The following ARHGAP15 variants were observed in gnomAD, a reference collection of about 807,000 sequenced individuals.
The protein encoded by ARHGAP15 is Rho GTPase activating protein 15.
Under a neutral mutation model 63.7 loss-of-function variants are expected in ARHGAP15, and 51 were observed. The ratio of observed to expected loss-of-function variants is 0.80; its 90% CI spans 0.64 to 1.01. ARHGAP15 has a LOEUF of 1.01. Among genes scored for constraint, ARHGAP15 ranks in the 50% least tolerant of loss-of-function variants. The pLI, the probability that ARHGAP15 is intolerant of heterozygous loss-of-function variation, is 0.00. For synonymous variants in ARHGAP15, 191 were observed against 193.8 expected, an observed-to-expected ratio of 0.99 and a Z score of 0.12; for missense variants, 560 against 564.6, an observed-to-expected ratio of 0.99 and a Z score of 0.08.
chr2:143,602,975 A>G (rs1697834498), intron 11 of ARHGAP15, among the ~76,000 whole-genome samples: 2 of 152,164 alleles, frequency 1.3e-5, no homozygotes, highest in African/African-American at 4.8e-5. Flanking sequence ...AATCTTGCCT[A>G]TTTCAGCATA....
At chr2:143,705,555 C>A (rs2105428554) in intron 13 of ARHGAP15, among the ~76,000 whole-genome samples, 1 of 152,278 alleles carries the variant, frequency 6.6e-6, no homozygotes, top group South Asian at 2.1e-4. Context: ...CCCTTAGGAT[C>A]CAGACACACC....
intron 13 of ARHGAP15, among the ~76,000 whole-genome samples, chr2:143,746,827 T>G (rs139921055): frequency 1.3e-5 from 2 of 152,284 alleles, no homozygotes; most frequent in East Asian, 3.9e-4. Flanking sequence ...AAAGTCTTCC[T>G]AGTAGAGACA....
intron 6 of ARHGAP15, among the ~76,000 whole-genome samples, chr2:143,355,806 G>C (rs1685784115): frequency 6.6e-6 from 1 of 152,100 alleles, no homozygotes; most frequent in African/African-American, 2.4e-5. Context: ...ATCTGCACCT[G>C]ATGTTGCATG....
chr2:143,542,714 T>TATG (rs1177780705), intron 10 of ARHGAP15, among the ~76,000 whole-genome samples: 1 of 127,680 alleles, frequency 7.8e-6, no homozygotes, highest in African/African-American at 3.0e-5. Flanking sequence ...ATATATATGA[T>TATG]ATATATAATA....
At chr2:143,426,508 C>T (rs752544867) in intron 6 of ARHGAP15, among the ~76,000 whole-genome samples, 33 of 152,076 alleles carry the variant, frequency 2.2e-4, no homozygotes, top group African/African-American at 6.3e-4. Context: ...TGCTGCGAAC[C>T]GTAGCCCAGA....
At chr2:143,236,163 G>A (rs867447637) in intron 5 of ARHGAP15, 1 of 575,578 alleles carries the variant, frequency 1.7e-6, no homozygotes. Flanking sequence ...TTACATTAGG[G>A]GCAACAGAAA....
intron 6 of ARHGAP15, among the ~76,000 whole-genome samples, chr2:143,387,917 A>G (rs897913901): frequency 5.3e-5 from 8 of 151,660 alleles, no homozygotes; most frequent in African/African-American, 1.9e-4. Context: ...CTGCACACAC[A>G]CACACACACA....
intron 1 of ARHGAP15, among the ~76,000 whole-genome samples, chr2:143,153,818 CTTCT>C (rs1689944252): frequency 1.2e-5 from 1 of 83,494 alleles, no homozygotes; most frequent in Non-Finnish European, 2.5e-5. Flanking sequence ...TCTTCTTCTT[CTTCT>C]TCTTCTTCTT....
intron 6 of ARHGAP15, among the ~76,000 whole-genome samples, chr2:143,306,126 G>A (rs1018507551): frequency 3.3e-5 from 5 of 151,994 alleles, no homozygotes. Flanking sequence ...ATATTACTGG[G>A]CAAATTGTGA....
At chr2:143,309,894 G>GTGTGTGTGTGTGTA (rs963488346) in intron 6 of ARHGAP15, among the ~76,000 whole-genome samples, 4 of 148,600 alleles carry the variant, frequency 2.7e-5, no homozygotes, top group African/African-American at 9.9e-5. Flanking sequence ...GTGTGTGTGT[G>GTGTGTGTGTGTGTA]TATACACACA....
chr2:143,411,111 A>G (rs1243314353), intron 6 of ARHGAP15, among the ~76,000 whole-genome samples: 1 of 152,176 alleles, frequency 6.6e-6, no homozygotes, highest in Non-Finnish European at 1.5e-5. Flanking sequence ...AGACTGAGGC[A>G]GGAAAATCAC....
chr2:143,277,163 G>A (rs1330725175), intron 6 of ARHGAP15, among the ~76,000 whole-genome samples: 1 of 151,810 alleles, frequency 6.6e-6, no homozygotes, highest in Non-Finnish European at 1.5e-5. Flanking sequence ...GTATGCCCAG[G>A]CAACCTAAGC....
intron 10 of ARHGAP15, among the ~76,000 whole-genome samples, chr2:143,534,614 C>T (rs902357516): frequency 6.6e-5 from 10 of 152,252 alleles, no homozygotes; most frequent in African/African-American, 2.4e-4. Flanking sequence ...AAAAGTGGCT[C>T]ATGCCTACAA....
At chr2:143,330,866 A>G (rs546454336) in intron 6 of ARHGAP15, among the ~76,000 whole-genome samples, 3 of 152,332 alleles carry the variant, frequency 2.0e-5, no homozygotes, top group Admixed American at 6.5e-5. Flanking sequence ...TAAATAACCT[A>G]CATTATATGC....
chr2:143,500,243 A>AT (rs1291840555), intron 9 of ARHGAP15, among the ~76,000 whole-genome samples: 1 of 149,476 alleles, frequency 6.7e-6, no homozygotes, highest in Non-Finnish European at 1.5e-5. Context: ...TATTTTATAT[A>AT]TTTTTATATA....
At chr2:143,416,847 C>T (rs1688711095) in intron 6 of ARHGAP15, among the ~76,000 whole-genome samples, 1 of 139,444 alleles carries the variant, frequency 7.2e-6, no homozygotes, top group African/African-American at 2.6e-5. Context: ...GCCCCCACGC[C>T]CCCACGCCCC....
chr2:143,542,080 G>A (rs2105048842), intron 10 of ARHGAP15, among the ~76,000 whole-genome samples: 1 of 152,304 alleles, frequency 6.6e-6, no homozygotes, highest in East Asian at 1.9e-4. Flanking sequence ...GCAATTGCGG[G>A]CACCCCTCCC....
intron 13 of ARHGAP15, among the ~76,000 whole-genome samples, chr2:143,727,742 G>A (rs1685348152): frequency 6.6e-6 from 1 of 152,076 alleles, no homozygotes; most frequent in South Asian, 2.1e-4. Flanking sequence ...TACACAGCCT[G>A]GATTCAATAA....
chr2:143,692,454 C>T (rs1160486216), intron 12 of ARHGAP15, among the ~76,000 whole-genome samples: 2 of 152,142 alleles, frequency 1.3e-5, no homozygotes, highest in Non-Finnish European at 1.5e-5. Flanking sequence ...CCCAAGGCAG[C>T]AAAGCCCCTC....
Sources: gnomAD v4.1 joint callset for allele counts (sites outside exome capture counted in the v4.1 genomes callset) on GRCh38, gnomAD v4.1.1 for gene constraint, MANE v1.5 for transcripts, NCBI Gene and HGNC (gene_info 2026-07-23, HGNC 2026-07-21) for gene names.